Variants in DZIP3 observed in about 807,000 individuals in gnomAD.
The protein encoded by DZIP3 is E3 ubiquitin-protein ligase DZIP3.
In DZIP3, 118 loss-of-function variants were observed where a neutral mutation model predicts 162.0. That is an observed-to-expected ratio of 0.73 (90% CI 0.63 to 0.85). The LOEUF (loss-of-function observed/expected upper bound fraction) is 0.85, where lower values mean the gene tolerates loss of function less well. Among genes scored for constraint, DZIP3 ranks in the 40% least tolerant of loss-of-function variants. The pLI, the probability that DZIP3 is intolerant of heterozygous loss-of-function variation, is 0.00. For missense variants in DZIP3, 1,331 were observed against 1,407.0 expected, an observed-to-expected ratio of 0.95 and a Z score of 0.86; for synonymous variants, 438 against 458.6, an observed-to-expected ratio of 0.96 and a Z score of 0.57.
chr3:108,632,331 C>G (rs1036159589), intron 8 of DZIP3, among the ~76,000 whole-genome samples: 13 of 152,160 alleles, frequency 8.5e-5, no homozygotes, highest in African/African-American at 3.1e-4. Flanking sequence ...CTTTGAACTC[C>G]TGGGCTCAAG....
rs1428814299 is a variant in DZIP3, at chr3:108,608,165, G to A, written c.102+7G>A. On this transcript the variant is annotated splice_region_variant and intron_variant, in intron 3 of 32. Coordinates refer to ENST00000361582, the MANE Select transcript of DZIP3 (RefSeq NM_014648.4). ...AAAATCATCTGGTCAACTGGTAAGA[G>A]AAAGTTTAATTTTCATTAACTGTTA... is the stretch of plus-strand genomic sequence containing the variant. 1 of 1,605,240 alleles carries A rather than the reference G, an allele frequency of 6.2e-7. No homozygotes were observed. The highest frequency in any genetic ancestry group is 1.1e-5 in the South Asian group (1 of 90,746).
chr3:108,679,086 C>G (rs1229922337), intron 26 of DZIP3, among the ~76,000 whole-genome samples: 1 of 152,060 alleles, frequency 6.6e-6, no homozygotes, highest in East Asian at 1.9e-4. Flanking sequence ...CAGAGAAATT[C>G]CAAAGATTCC....
At chr3:108,593,065 CTG>C (rs772451334) in intron 1 of DZIP3, among the ~76,000 whole-genome samples, 2 of 152,142 alleles carry the variant, frequency 1.3e-5, no homozygotes, top group Non-Finnish European at 2.9e-5. Flanking sequence ...GCTTTTATAT[CTG>C]TTTCATTCTA....
At position 108,680,832 on chromosome 3, in the gene DZIP3, T is replaced by A. The variant is rs553802642; in HGVS notation, c.2883+3234T>A. On this transcript the variant is annotated intron_variant, in intron 26 of 32. Transcript: ENST00000361582. ...ACAACCATCTGATCTTTGACAAACC[T>A]GACAACAACAAGCAATGGGGAAAAG... Among the ~76,000 whole-genome samples, 7 of 152,270 alleles carry A rather than the reference T, an allele frequency of 4.6e-5. No homozygotes were observed. In the East Asian group the frequency reaches 1.4e-3, roughly 29 times the overall value.
At chr3:108,676,012 T>A in intron 25 of DZIP3, 139 bp downstream of exon 25, 1 of 683,360 alleles carries the variant, frequency 1.5e-6, no homozygotes. Flanking sequence ...CACTTTGAGA[T>A]TACTTCCATG....
intron 12 of DZIP3, 40 bp downstream of exon 12, chr3:108,637,588 T>C (rs1942214233): frequency 3.9e-6 from 6 of 1,552,312 alleles, no homozygotes; most frequent in African/African-American, 1.4e-5. Flanking sequence ...TTTTTTGGAA[T>C]ATGCATATAT....
At chr3:108,671,224 A>C (rs1470246859) in intron 22 of DZIP3, among the ~76,000 whole-genome samples, 3 of 151,656 alleles carry the variant, frequency 2.0e-5, no homozygotes, top group Admixed American at 2.0e-4. Flanking sequence ...TGAAGATTTT[A>C]TTTTTTTCTC....
intron 18 of DZIP3, 143 bp downstream of exon 18, chr3:108,651,305 T>A (rs1159461849): frequency 4.1e-6 from 1 of 243,314 alleles, no homozygotes; most frequent in Non-Finnish European, 7.3e-6. Context: ...ATTAACAAGT[T>A]GCTGCTTTTT....
At chr3:108,638,005 A>G (rs1401253770) in intron 12 of DZIP3, among the ~76,000 whole-genome samples, 2 of 152,150 alleles carry the variant, frequency 1.3e-5, no homozygotes, top group African/African-American at 4.8e-5. Context: ...TTTCAATATA[A>G]AAGTTTTCCC....
Position 108,644,463 on chromosome 3 carries a change from C to G in DZIP3, c.1441C>G (p.Pro481Ala). The change falls in exon 14 of 33, where the codon CCT becomes GCT. Residue 481 changes from proline (P) to alanine (A), a missense_variant. Pro to Ala is a conservative substitution (Grantham distance 27). Coordinates refer to ENST00000361582, the MANE Select transcript of DZIP3 (RefSeq NM_014648.4). ...LALIKHLNVF[P>A]APKKGWNMEP... ...TCTTATAAAACATTTAAATGTGTTC[C>G]CTGCACCCAAAAAAGGATGGAATAT... 6.2e-7 allele frequency: 1 copy of G among 1,613,976 alleles called. No homozygotes were observed. Among genetic ancestry groups the G allele is most frequent in the Non-Finnish European group, 8.5e-7 (1 of 1,179,960 alleles).
intron 23 of DZIP3, among the ~76,000 whole-genome samples, chr3:108,673,875 G>A (rs1306503835): frequency 1.3e-5 from 2 of 152,026 alleles, no homozygotes; most frequent in East Asian, 3.9e-4. Context: ...TACCAACCTA[G>A]TAACCATTAA....
chr3:108,593,144 AAC>A (rs1259034842), intron 1 of DZIP3, among the ~76,000 whole-genome samples: 1 of 152,248 alleles, frequency 6.6e-6, no homozygotes, highest in African/African-American at 2.4e-5. Context: ...TTAAAATTAT[AAC>A]ACAGTGGATT....
intron 3 of DZIP3, among the ~76,000 whole-genome samples, chr3:108,610,886 T>G (rs1011082198): frequency 4.6e-5 from 7 of 152,240 alleles, no homozygotes; most frequent in Admixed American, 2.0e-4. Context: ...CAACTATTCA[T>G]TTTCAAGTTG....
At position 108,611,170 on chromosome 3, in the gene DZIP3, C is replaced by G; in HGVS notation, c.103-4C>G. 1.3e-6 allele frequency: 2 copies of G among 1,582,236 alleles called. No homozygotes were observed. Among genetic ancestry groups the G allele is most frequent in the Non-Finnish European group, 1.7e-6 (2 of 1,170,956 alleles). On this transcript the variant is annotated splice_region_variant and splice_polypyrimidine_tract_variant and intron_variant, in intron 3 of 32. Coordinates refer to ENST00000361582, the MANE Select transcript of DZIP3 (RefSeq NM_014648.4). ...GTAAATTTTTAATCAATAATGTCTT[C>G]TAGAACAAACAGGAAAATGACATAC...
intron 24 of DZIP3, among the ~76,000 whole-genome samples, chr3:108,675,247 G>A (rs1379961137): frequency 2.0e-5 from 3 of 151,938 alleles, no homozygotes; most frequent in Non-Finnish European, 4.4e-5. Flanking sequence ...ACTATTGTTT[G>A]TGCAATTTAT....
intron 3 of DZIP3, among the ~76,000 whole-genome samples, chr3:108,610,491 A>G (rs1488516073): frequency 1.3e-5 from 2 of 152,224 alleles, no homozygotes; most frequent in Non-Finnish European, 2.9e-5. Context: ...GAGTTAGCCC[A>G]TACAAGGGCA....
intron 4 of DZIP3, among the ~76,000 whole-genome samples, chr3:108,613,648 A>C (rs947639004): frequency 6.6e-6 from 1 of 152,212 alleles, no homozygotes; most frequent in Non-Finnish European, 1.5e-5. Context: ...TAATTGAGAC[A>C]CACATGTATA....
At chr3:108,633,647 C>G (rs551536197) in intron 9 of DZIP3, among the ~76,000 whole-genome samples, 1 of 147,914 alleles carries the variant, frequency 6.8e-6, no homozygotes, top group African/African-American at 2.5e-5. Flanking sequence ...TCTGATAGAT[C>G]TCTCTCTCTG....
chr3:108,683,612 C>T (rs1182982437), intron 26 of DZIP3, among the ~76,000 whole-genome samples: 1 of 152,170 alleles, frequency 6.6e-6, no homozygotes, highest in Non-Finnish European at 1.5e-5. Flanking sequence ...CCATAACCCC[C>T]TGGGAAGTAC....
Sources: allele counts gnomAD v4.1 joint callset (sites outside exome capture counted in the v4.1 genomes callset), GRCh38; gene constraint gnomAD v4.1.1; transcripts MANE v1.5; gene names NCBI Gene and HGNC (gene_info 2026-07-23, HGNC 2026-07-21).